Variants in PLXNA4 observed in about 807,000 individuals in gnomAD.
The protein encoded by PLXNA4 is plexin-A4.
In PLXNA4, 44 loss-of-function variants were observed where a neutral mutation model predicts 191.8. The ratio of observed to expected loss-of-function variants is 0.23; its 90% CI spans 0.18 to 0.29. PLXNA4 has a LOEUF of 0.29. Ranked by LOEUF, PLXNA4 falls within the 10% of genes least tolerant of loss-of-function variation. The probability of loss-of-function intolerance (pLI) is 1.00; values close to 1 mark genes in which losing one functional copy is unlikely to be tolerated. For synonymous variants in PLXNA4, 1,082 were observed against 1,009.5 expected, an observed-to-expected ratio of 1.07 and a Z score of -1.36; for missense variants, 1,800 against 2,488.8, an observed-to-expected ratio of 0.72 and a Z score of 5.89.
rs191059515 is a variant in PLXNA4 at position 132,274,268 on chromosome 7, A to G, written c.1503+23823T>C. On this transcript the variant is annotated intron_variant, in intron 4 of 31. Transcript: ENST00000321063. ...TGTAGTGGTAATTACGCTAATATGT[A>G]TATATATATATATATGTATATATTT... Among the ~76,000 whole-genome samples, 1,017 of 148,732 alleles carry G rather than the reference A, an allele frequency of 6.8e-3. 5 individuals are homozygous for G. The highest frequency in any genetic ancestry group is 0.016 in the African/African-American group (667 of 40,748).
At chr7:132,403,215 T>C (rs1794068178) in intron 3 of PLXNA4, among the ~76,000 whole-genome samples, 1 of 152,206 alleles carries the variant, frequency 6.6e-6, no homozygotes, top group Admixed American at 6.5e-5. Context: ...CTGCTATGCC[T>C]GGTCCACAAA....
At chr7:132,559,822 A>G (rs1404738707) in intron 1 of PLXNA4, among the ~76,000 whole-genome samples, 3 of 152,208 alleles carry the variant, frequency 2.0e-5, no homozygotes, top group Non-Finnish European at 1.5e-5. Flanking sequence ...TTCCCCATGT[A>G]TTGGAAAGAG....
intron 3 of PLXNA4, among the ~76,000 whole-genome samples, chr7:132,474,646 A>G (rs1316711033): frequency 1.3e-5 from 2 of 152,142 alleles, no homozygotes; most frequent in East Asian, 1.9e-4. Context: ...ACGCGCGCGC[A>G]CGCACACACA....
At position 132,391,262 on chromosome 7, in the gene PLXNA4, T is replaced by G. The variant is rs77864282; in HGVS notation, c.1372-93040A>C. On this transcript the variant is annotated intron_variant, in intron 3 of 31. Coordinates refer to ENST00000321063, the MANE Select transcript of PLXNA4 (RefSeq NM_020911.2). ...TGGGAAATGCAATGCCCAGCATCAGTCTCAGGGCAGGAGAACTGGGGCTAG... is the reference window on the plus strand; with the variant it reads ...TGGGAAATGCAATGCCCAGCATCAGGCTCAGGGCAGGAGAACTGGGGCTAG... Among the ~76,000 whole-genome samples, 386 of 152,292 alleles carry G rather than the reference T, an allele frequency of 2.5e-3. 1 individual carries two copies. The highest frequency in any genetic ancestry group is 8.8e-3 in the African/African-American group (367 of 41,550).
intron 28 of PLXNA4, 139 bp from the exon 29 acceptor site, chr7:132,145,427 C>A: frequency 8.7e-7 from 1 of 1,147,366 alleles, no homozygotes; most frequent in Non-Finnish European, 1.2e-6. Context: ...TAAGTCCATG[C>A]ATTAAATCAT....
intron 1 of PLXNA4, among the ~76,000 whole-genome samples, chr7:132,510,468 G>T (rs541575700): frequency 2.0e-5 from 3 of 152,304 alleles, no homozygotes; most frequent in Non-Finnish European, 4.4e-5. Context: ...CACCCATGTG[G>T]CAAATGTTTG....
At chr7:132,609,354 A>C (rs1477693206) in intron 2 of PLXNA4, among the ~76,000 whole-genome samples, 1 of 152,098 alleles carries the variant, frequency 6.6e-6, no homozygotes, top group African/African-American at 2.4e-5. Context: ...GAGTTGCTCC[A>C]TCATGTGGTT....
intron 2 of PLXNA4, among the ~76,000 whole-genome samples, chr7:132,500,594 T>C (rs1172226030): frequency 6.6e-6 from 1 of 151,900 alleles, no homozygotes; most frequent in Non-Finnish European, 1.5e-5. Flanking sequence ...CAAAAGCAGG[T>C]ATTGGTGAAG....
At chr7:132,488,822 C>A (rs1221549275) in intron 3 of PLXNA4, among the ~76,000 whole-genome samples, 3 of 152,180 alleles carry the variant, frequency 2.0e-5, no homozygotes, top group Non-Finnish European at 4.4e-5. Context: ...TGGCTCTGGG[C>A]CCCATTTGCA....
At chr7:132,151,819 G>A (rs1046247834) in intron 25 of PLXNA4, among the ~76,000 whole-genome samples, 1 of 152,150 alleles carries the variant, frequency 6.6e-6, no homozygotes, top group South Asian at 2.1e-4. Context: ...CCAGAATGGA[G>A]GAGAGAGGGT....
At chr7:132,537,896 C>T (rs1052378541) in intron 1 of PLXNA4, among the ~76,000 whole-genome samples, 6 of 152,228 alleles carry the variant, frequency 3.9e-5, no homozygotes, top group African/African-American at 1.4e-4. Flanking sequence ...CCACAACCCG[C>T]ACGCTCAGCC....
chr7:132,392,136 AAAAAG>A (rs920587572), intron 3 of PLXNA4, among the ~76,000 whole-genome samples: 4 of 152,292 alleles, frequency 2.6e-5, no homozygotes, highest in East Asian at 1.9e-4. Context: ...CTCAAAAAAA[AAAAAG>A]AAAAGATTCC....
chr7:132,300,722 A>G (rs1041461474), intron 3 of PLXNA4, among the ~76,000 whole-genome samples: 5 of 152,332 alleles, frequency 3.3e-5, no homozygotes, highest in South Asian at 2.1e-4. Context: ...GGCCCAGCCA[A>G]GCTTCATCCC....
chr7:132,475,992 C>T (rs116148107), intron 3 of PLXNA4, among the ~76,000 whole-genome samples: 1,660 of 152,248 alleles, frequency 0.011, 38 homozygotes, highest in African/African-American at 0.038. Context: ...CAGAGCCCAG[C>T]GGGAGCAGCC....
At chr7:132,180,147 G>A (rs372876017) in intron 19 of PLXNA4, among the ~76,000 whole-genome samples, 6 of 152,170 alleles carry the variant, frequency 3.9e-5, no homozygotes, top group African/African-American at 1.4e-4. Flanking sequence ...ATTCAGGAGC[G>A]AGTTTTGTCA....
chr7:132,356,159 C>T (rs1424860942), intron 3 of PLXNA4, among the ~76,000 whole-genome samples: 1 of 152,168 alleles, frequency 6.6e-6, no homozygotes, highest in African/African-American at 2.4e-5. Flanking sequence ...GAAGCTCTAC[C>T]TGGCAGATCG....
rs1001685683 is a variant in PLXNA4, at chr7:132,528,583, G to C, written c.-86-19804C>G. 3.3e-5 allele frequency among the ~76,000 whole-genome samples: 5 copies of C among 152,228 alleles called. No individual in the cohort carries two copies. The South Asian group carries it at 1.0e-3, about 32-fold the overall frequency. The stretch of plus-strand genomic sequence containing the variant: ...AAGCCTGATGAATGGGACTGAATGA[G>C]AAGCCTGCCAGGGGCTTCAGGAATA... On this transcript the variant is annotated intron_variant, in intron 1 of 31. Transcript: ENST00000321063.
In PLXNA4 at chr7:132,130,447, C is replaced by A; in HGVS notation, c.*32G>T. ...TAGACTGAGGCACGGCTTGGTGTGT[C>A]CCCCTCCAGGGCGGCCCTGGAAGGA... On this transcript the variant is annotated 3_prime_UTR_variant, in exon 32 of 32. Transcript: ENST00000321063. 3 of 1,613,854 alleles carry A rather than the reference C, an allele frequency of 1.9e-6. No homozygotes were observed. Among genetic ancestry groups the A allele is most frequent in the Non-Finnish European group, 2.5e-6 (3 of 1,179,850 alleles).
intron 2 of PLXNA4, among the ~76,000 whole-genome samples, chr7:132,622,124 C>G (rs919070247): frequency 1.5e-4 from 23 of 152,100 alleles, no homozygotes; most frequent in Admixed American, 4.6e-4. Flanking sequence ...TGTACCGCTT[C>G]CAGGACTGGC....
Sources: gnomAD v4.1 joint callset for allele counts (sites outside exome capture counted in the v4.1 genomes callset) on GRCh38, gnomAD v4.1.1 for gene constraint, MANE v1.5 for transcripts, NCBI Gene and HGNC (gene_info 2026-07-23, HGNC 2026-07-21) for gene names.